RGS6: variants seen among roughly 807,000 people sequenced by gnomAD.
The protein encoded by RGS6 is regulator of G protein signaling 6.
Under a neutral mutation model 78.5 loss-of-function variants are expected in RGS6, and 30 were observed. The observed-to-expected ratio is 0.38, with a 90% CI of 0.29 to 0.52. The LOEUF (loss-of-function observed/expected upper bound fraction) is 0.52. Ranked by LOEUF, RGS6 falls within the 20% of genes least tolerant of loss-of-function variation. The pLI is 0.85. For synonymous variants in RGS6, 206 were observed against 206.0 expected, an observed-to-expected ratio of 1.00 and a Z score of 0.00; for missense variants, 495 against 609.7, an observed-to-expected ratio of 0.81 and a Z score of 1.98.
At chr14:72,281,349 A>G (rs191761873) in intron 2 of RGS6, among the ~76,000 whole-genome samples, 131 of 151,930 alleles carry the variant, frequency 8.6e-4, no homozygotes, top group African/African-American at 3.0e-3. Context: ...GGGTTTCTCC[A>G]TGTTGGCCAG....
At chr14:72,364,429 C>A (rs2082087445) in intron 3 of RGS6, among the ~76,000 whole-genome samples, 1 of 152,210 alleles carries the variant, frequency 6.6e-6, no homozygotes, top group Non-Finnish European at 1.5e-5. Flanking sequence ...CAGTAATCAG[C>A]CCACACTTCA....
chr14:72,558,188 A>G (rs963046194), intron 17 of RGS6, among the ~76,000 whole-genome samples: 22 of 152,012 alleles, frequency 1.4e-4, no homozygotes, highest in African/African-American at 5.1e-4. Flanking sequence ...CCCCCATAAT[A>G]GCCTGGATTT....
At chr14:72,348,936 G>A (rs1387970447) in intron 2 of RGS6, among the ~76,000 whole-genome samples, 2 of 152,188 alleles carry the variant, frequency 1.3e-5, no homozygotes, top group Non-Finnish European at 2.9e-5. Context: ...GGAGGCCAAG[G>A]TGGGCAGATC....
chr14:72,515,525 G>T (rs924967753), intron 14 of RGS6, among the ~76,000 whole-genome samples: 20 of 152,160 alleles, frequency 1.3e-4, no homozygotes, highest in Non-Finnish European at 2.9e-4. Context: ...AATTAGCTGA[G>T]CATGGTGACA....
chr14:72,606,959 C>T, the RGS6 span, among the ~76,000 whole-genome samples: 1 of 152,182 alleles, frequency 6.6e-6, no homozygotes, highest in Non-Finnish European at 1.5e-5. Flanking sequence ...ATGTTGGTGC[C>T]ATGCTTCTTG....
intron 13 of RGS6, among the ~76,000 whole-genome samples, chr14:72,509,874 G>T (rs1471660350): frequency 6.6e-6 from 1 of 152,172 alleles, no homozygotes; most frequent in East Asian, 1.9e-4. Context: ...ATGGTCCAGG[G>T]AGTTTAATCA....
chr14:71,948,433 A>G (rs1327307304), intron 1 of RGS6, among the ~76,000 whole-genome samples: 2 of 152,178 alleles, frequency 1.3e-5, no homozygotes, highest in Non-Finnish European at 2.9e-5. Context: ...GCATCACTGT[A>G]TGTGAGAGGG....
At chr14:72,559,302 C>T (rs1388526481) in intron 17 of RGS6, among the ~76,000 whole-genome samples, 1 of 152,246 alleles carries the variant, frequency 6.6e-6, no homozygotes, top group Non-Finnish European at 1.5e-5. Context: ...TCAGATTTCA[C>T]TTTGATCACT....
the RGS6 span, among the ~76,000 whole-genome samples, chr14:71,868,601 A>G: frequency 6.6e-6 from 1 of 152,314 alleles, no homozygotes; most frequent in Admixed American, 6.5e-5. Context: ...ATATGAAAGA[A>G]AGTTCTAGAA....
At position 72,539,556 on chromosome 14, in the gene RGS6, G is replaced by A. The variant is rs574146813; in HGVS notation, c.1369-485G>A. Among the ~76,000 whole-genome samples, 7 of 152,252 alleles carry A rather than the reference G, an allele frequency of 4.6e-5. No individual in the cohort carries two copies. The East Asian group carries it at 7.7e-4, about 17-fold the overall frequency. On this transcript the variant is annotated intron_variant, in intron 16 of 17. Coordinates refer to ENST00000553525, the MANE Select transcript of RGS6 (RefSeq NM_001204424.2). ...GATGAGTAGATAACTTCGCTTCCCC[G>A]GCAGCCCCTTCCTGACGTCCCTCCC... is the stretch of plus-strand genomic sequence containing the variant.
chr14:71,948,746 T>TG (rs2091925963), intron 1 of RGS6, among the ~76,000 whole-genome samples: 1 of 133,400 alleles, frequency 7.5e-6, no homozygotes, highest in Non-Finnish European at 1.6e-5. Context: ...CTCTCTTTTT[T>TG]TTTTTTTTTT....
the RGS6 span, among the ~76,000 whole-genome samples, chr14:72,582,920 T>C: frequency 2.0e-4 from 30 of 150,400 alleles, no homozygotes; most frequent in Non-Finnish European, 7.4e-5. Context: ...CCTAAAGAGA[T>C]TGGCATTTGA....
At position 72,021,691 on chromosome 14, in the gene RGS6, C is replaced by T. The variant is rs1011150264; in HGVS notation, c.84+56816C>T. 6.6e-5 allele frequency among the ~76,000 whole-genome samples: 10 copies of T among 151,834 alleles called. No individual in the cohort carries two copies. In the East Asian group the frequency reaches 1.7e-3, roughly 27 times the overall value. ...TTCACCATGTTGGCCAGGCTGGTCTCGAACTCCTGACCTCAGGTGAGCCAC... is the reference window on the plus strand; with the variant it reads ...TTCACCATGTTGGCCAGGCTGGTCTTGAACTCCTGACCTCAGGTGAGCCAC... On this transcript the variant is annotated intron_variant, in intron 2 of 17. Transcript: ENST00000553525.
At chr14:72,308,826 G>T (rs1483566012) in intron 2 of RGS6, among the ~76,000 whole-genome samples, 1 of 152,148 alleles carries the variant, frequency 6.6e-6, no homozygotes, top group Non-Finnish European at 1.5e-5. Flanking sequence ...GAAAAAGCCA[G>T]TTGGAGCCAG....
At chr14:72,296,164 T>C (rs1463795125) in intron 2 of RGS6, among the ~76,000 whole-genome samples, 1 of 152,218 alleles carries the variant, frequency 6.6e-6, no homozygotes, top group Admixed American at 6.5e-5. Flanking sequence ...ATTTTTGAGA[T>C]TTATCCATGT....
chr14:72,535,276 C>T (rs2097234564), intron 15 of RGS6, among the ~76,000 whole-genome samples: 1 of 152,200 alleles, frequency 6.6e-6, no homozygotes, highest in Non-Finnish European at 1.5e-5. Flanking sequence ...ACCTGCCCCT[C>T]CTGGGTGTTA....
rs149372671 is a variant in RGS6 at position 72,500,542 on chromosome 14, T to C, written c.965+5280T>C. On this transcript the variant is annotated intron_variant, in intron 13 of 17. Coordinates refer to ENST00000553525, the MANE Select transcript of RGS6 (RefSeq NM_001204424.2). Reference sequence around the variant, plus strand: ...TAGTAGTCAACTATGTGCTGTGTTCTGAACAAGAAGGGCTCTCAAGATAAC... The same window carrying C: ...TAGTAGTCAACTATGTGCTGTGTTCCGAACAAGAAGGGCTCTCAAGATAAC... Among the ~76,000 whole-genome samples the C allele has an allele frequency of 5.1e-3, 770 of 152,342 alleles. 2 individuals are homozygous for C. Among genetic ancestry groups the C allele is most frequent in the Middle Eastern group, 0.02 (6 of 294 alleles).
the RGS6 span, among the ~76,000 whole-genome samples, chr14:72,608,899 CCT>C: frequency 6.6e-6 from 1 of 152,142 alleles, no homozygotes; most frequent in Non-Finnish European, 1.5e-5. Flanking sequence ...TCTCTCTCTC[CCT>C]CTCTCTCTTT....
chr14:72,321,337 ATAAAG>A (rs2071960690), intron 2 of RGS6, among the ~76,000 whole-genome samples: 1 of 152,044 alleles, frequency 6.6e-6, no homozygotes, highest in African/African-American at 2.4e-5. Flanking sequence ...TCAAAATACT[ATAAAG>A]TAAGACCAAA....
Sources: gnomAD v4.1 joint callset for allele counts (sites outside exome capture counted in the v4.1 genomes callset) on GRCh38, gnomAD v4.1.1 for gene constraint, MANE v1.5 for transcripts, NCBI Gene and HGNC (gene_info 2026-07-23, HGNC 2026-07-21) for gene names.